Variants in VIPAS39 observed in about 807,000 individuals in gnomAD.
VIPAS39 encodes spermatogenesis-defective protein 39 homolog.
A neutral mutation model predicts 84.7 loss-of-function variants in VIPAS39; 63 were observed. The ratio of observed to expected loss-of-function variants is 0.74; its 90% CI spans 0.61 to 0.92. The LOEUF is 0.92. Ranked by LOEUF, VIPAS39 falls within the 40% of genes least tolerant of loss-of-function variation. The probability of loss-of-function intolerance (pLI) is 0.00; values close to 1 mark genes in which losing one functional copy is unlikely to be tolerated. For synonymous variants in VIPAS39, 192 were observed against 216.5 expected (o/e 0.89, Z 0.99); for missense variants, 499 against 604.5 (o/e 0.83, Z 1.83).
intron 6 of VIPAS39, among the ~76,000 whole-genome samples, chr14:77,448,769 G>C (rs929924133): frequency 6.6e-6 from 1 of 152,136 alleles, no homozygotes; most frequent in Non-Finnish European, 1.5e-5. Context: ...ATCAAAGAGG[G>C]AGGAGCCAAT....
intron 6 of VIPAS39, 24 bp from the exon 7 acceptor site, chr14:77,448,574 T>G: frequency 1.2e-6 from 2 of 1,613,632 alleles, no homozygotes; most frequent in African/African-American, 2.7e-5. Flanking sequence ...AATACGTGAA[T>G]CCCAGGAAGT....
At chr14:77,431,938 A>G (rs2139751748) in intron 16 of VIPAS39, among the ~76,000 whole-genome samples, 1 of 152,338 alleles carries the variant, frequency 6.6e-6, no homozygotes, top group East Asian at 1.9e-4. Context: ...AGATAAGGAA[A>G]CAACTTAAGT....
At chr14:77,428,084 A>G (rs1454054388) in intron 19 of VIPAS39, among the ~76,000 whole-genome samples, 1 of 152,178 alleles carries the variant, frequency 6.6e-6, no homozygotes, top group Non-Finnish European at 1.5e-5. Flanking sequence ...ATGTTTTCAT[A>G]CTTTCAATAT....
intron 11 of VIPAS39, chr14:77,440,431 A>G (rs2078683675): frequency 6.5e-6 from 1 of 154,946 alleles, no homozygotes; most frequent in Non-Finnish European, 1.4e-5. Flanking sequence ...CTGGTTTCTT[A>G]TCCTCTTAGC....
At chr14:77,457,244 C>A in intron 1 of VIPAS39, 1 of 1,532,950 alleles carries the variant, frequency 6.5e-7, no homozygotes. Context: ...CGTCAGAGCC[C>A]AGCGGATCCC....
intron 12 of VIPAS39, among the ~76,000 whole-genome samples, chr14:77,436,401 C>T (rs2078611658): frequency 6.6e-6 from 1 of 152,128 alleles, no homozygotes; most frequent in South Asian, 2.1e-4. Context: ...CAGCAAATAT[C>T]ACAAATGTCA....
chr14:77,444,551 G>A (rs531212257), intron 7 of VIPAS39, among the ~76,000 whole-genome samples: 11 of 152,318 alleles, frequency 7.2e-5, no homozygotes, highest in African/African-American at 2.6e-4. Flanking sequence ...CTAATGTCCT[G>A]AAGTCTTGAT....
At chr14:77,443,237 A>C in intron 8 of VIPAS39, 85 bp from the exon 9 acceptor site, 71 of 1,505,260 alleles carry the variant, frequency 4.7e-5, no homozygotes, top group Non-Finnish European at 6.0e-5. Context: ...CCAGCAACTC[A>C]TTAGCAATCT....
chr14:77,434,009 C>T, intron 15 of VIPAS39, 78 bp from the exon 16 acceptor site: 1 of 1,485,292 alleles, frequency 6.7e-7, no homozygotes, highest in Non-Finnish European at 9.4e-7. Context: ...TTAGAAAAGA[C>T]AGACATTAAA....
chr14:77,447,965 CT>C (rs1301071234), intron 7 of VIPAS39, among the ~76,000 whole-genome samples: 762 of 138,708 alleles, frequency 5.5e-3, no homozygotes, highest in Non-Finnish European at 8.7e-3. Flanking sequence ...CCCGGCTTCT[CT>C]TTTTTTTTTT....
At chr14:77,437,048 T>C (rs1358002576) in intron 12 of VIPAS39, among the ~76,000 whole-genome samples, 1 of 152,244 alleles carries the variant, frequency 6.6e-6, no homozygotes, top group Non-Finnish European at 1.5e-5. Context: ...ATATAACATA[T>C]CTCAGTATTT....
chr14:77,428,861 CCAAA>C, intron 18 of VIPAS39, 141 bp downstream of exon 18: 1 of 735,308 alleles, frequency 1.4e-6, no homozygotes, highest in Non-Finnish European at 2.4e-6. Context: ...GTGCTGGTCT[CCAAA>C]CAAACTCTTG....
At chr14:77,435,165 C>T in intron 14 of VIPAS39, 94 bp downstream of exon 14, 1 of 1,578,452 alleles carries the variant, frequency 6.3e-7, no homozygotes, top group Non-Finnish European at 8.7e-7. Flanking sequence ...ACTATACATA[C>T]CCATTATTAA....
chr14:77,453,634 A>G (rs1044234036), intron 2 of VIPAS39, among the ~76,000 whole-genome samples: 1 of 152,202 alleles, frequency 6.6e-6, no homozygotes, highest in Non-Finnish European at 1.5e-5. Flanking sequence ...AATTCTCATC[A>G]TATTCCTGGC....
intron 7 of VIPAS39, 98 bp downstream of exon 7, chr14:77,448,396 T>C (rs1018305195): frequency 2.1e-5 from 26 of 1,221,432 alleles, no homozygotes; most frequent in East Asian, 1.2e-4. Flanking sequence ...CTGAAATTCA[T>C]TGAACAAATG....
chr14:77,428,329 G>T (rs1352394307), intron 19 of VIPAS39, 41 bp downstream of exon 19: 4 of 1,570,654 alleles, frequency 2.5e-6, no homozygotes, highest in Non-Finnish European at 3.5e-6. Context: ...TGAACTGTCT[G>T]TCTCCTGAGC....
chr14:77,448,757 G>T (rs2078837380), intron 6 of VIPAS39, among the ~76,000 whole-genome samples: 2 of 152,282 alleles, frequency 1.3e-5, no homozygotes, highest in South Asian at 4.1e-4. Context: ...AGGAGGAGAT[G>T]GATCAAAGAG....
At chr14:77,429,448 T>G (rs1299384883) in intron 17 of VIPAS39, among the ~76,000 whole-genome samples, 1 of 145,788 alleles carries the variant, frequency 6.9e-6, no homozygotes, top group Non-Finnish European at 1.5e-5. Flanking sequence ...GTATTCCACT[T>G]GGGCTAACAC....
intron 4 of VIPAS39, among the ~76,000 whole-genome samples, chr14:77,450,321 G>A (rs1456116367): frequency 1.3e-5 from 2 of 152,172 alleles, no homozygotes; most frequent in Non-Finnish European, 1.5e-5. Context: ...TTAATGCTGA[G>A]TAACATTCCG....
Sources: gnomAD v4.1 joint callset for allele counts (sites outside exome capture counted in the v4.1 genomes callset) on GRCh38, gnomAD v4.1.1 for gene constraint, MANE v1.5 for transcripts, NCBI Gene and HGNC (gene_info 2026-07-23, HGNC 2026-07-21) for gene names.